SCAMP4: variants seen among roughly 807,000 people sequenced by gnomAD.
SCAMP4 encodes secretory carrier membrane protein 4.
SCAMP4 carries 19 observed loss-of-function variants against 32.1 expected under a neutral mutation model. That is an observed-to-expected ratio of 0.59 (90% CI 0.41 to 0.87). The LOEUF is 0.87. Among genes scored for constraint, SCAMP4 ranks in the 40% least tolerant of loss-of-function variants. The pLI, the probability that SCAMP4 is intolerant of heterozygous loss-of-function variation, is 0.00. For missense variants in SCAMP4, 302 were observed against 309.0 expected, an observed-to-expected ratio of 0.98 and a Z score of 0.17; for synonymous variants, 152 against 132.7, an observed-to-expected ratio of 1.15 and a Z score of -1.00.
chr19:1,909,862 C>T (rs865822171), intron 1 of SCAMP4, among the ~76,000 whole-genome samples: 15 of 152,148 alleles, frequency 9.9e-5, no homozygotes, highest in Admixed American at 9.2e-4. Context: ...GATGGGAAGT[C>T]GGGCCCACCA....
At chr19:1,911,077 G>T (rs970028652) in intron 1 of SCAMP4, among the ~76,000 whole-genome samples, 2 of 151,920 alleles carry the variant, frequency 1.3e-5, no homozygotes, top group Non-Finnish European at 2.9e-5. Context: ...GGGTTTCACC[G>T]TGTTAGCCAG....
At chr19:1,921,801 G>A (rs1277666808) in intron 5 of SCAMP4, 1 of 984,954 alleles carries the variant, frequency 1.0e-6, no homozygotes, top group Non-Finnish European at 1.2e-6. Context: ...GCAACATAGG[G>A]AGAAACCATC....
At chr19:1,905,704 G>A (rs2013074367) in intron 1 of SCAMP4, 1 of 153,234 alleles carries the variant, frequency 6.5e-6, no homozygotes, top group Non-Finnish European at 1.5e-5. Context: ...GCGCCTTTCT[G>A]CGCGTGTGCG....
At position 1,915,116 on chromosome 19, in the gene SCAMP4, G is replaced by T; in HGVS notation, c.7+90G>T. The T allele has an allele frequency of 5.3e-6, 8 of 1,520,428 alleles. No individual in the cohort carries two copies. The South Asian group carries it at 9.0e-5, about 17-fold the overall frequency. 94.2% of individuals were successfully genotyped at this position (1,520,428 alleles called of 1,614,324 possible). On this transcript the variant is annotated intron_variant, in intron 2 of 6. Coordinates refer to ENST00000316097, the MANE Select transcript of SCAMP4 (RefSeq NM_079834.4). ...CAGGAGCCCTCGGTCCTGGCCGTTG[G>T]CAAACAGTGTCCTCCTGGCCCACCT... is the stretch of plus-strand genomic sequence containing the variant.
chr19:1,918,301 G>C lies in SCAMP4; in HGVS notation c.293+18G>C. ...GCCTTCCGGTGAGCAGAGCTGCCGGGGGCCGTCTGCACCCAGAGGGAACCA... is the reference window on the plus strand; with the variant it reads ...GCCTTCCGGTGAGCAGAGCTGCCGGCGGCCGTCTGCACCCAGAGGGAACCA... On this transcript the variant is annotated intron_variant, in intron 4 of 6. Coordinates refer to ENST00000316097, the MANE Select transcript of SCAMP4 (RefSeq NM_079834.4). The C allele has an allele frequency of 6.3e-7, 1 of 1,577,846 alleles. No homozygotes were observed. The highest frequency in any genetic ancestry group is 8.6e-7 in the Non-Finnish European group (1 of 1,165,808).
At position 1,908,661 on chromosome 19, in the gene SCAMP4, ATTAT is replaced by A. The variant is rs1247205807; in HGVS notation, c.-42+3233_-42+3236del. 7 of 443,910 alleles carry A rather than the reference ATTAT, an allele frequency of 1.6e-5. No individual in the cohort carries two copies. Among genetic ancestry groups the A allele is most frequent in the East Asian group, 7.1e-5 (1 of 14,130 alleles). The allele number at this position is 443,910 out of a possible 1,614,324, so 27.5% of individuals were successfully genotyped here. On this transcript the variant is annotated intron_variant, in intron 1 of 6. Transcript: ENST00000316097. This position sits in a 1 kb window ranked among gnomAD's most constrained non-coding sequence, Gnocchi z 4.2. ...GTAGTAAGGTTTTTAGGATTTTATTATTATTTATTTATTTGAAAAAAGGAACAGG... is the reference window on the plus strand; with the variant it reads ...GTAGTAAGGTTTTTAGGATTTTATTATTATTTATTTGAAAAAAGGAACAGG...
chr19:1,921,460 G>A (rs922945723), intron 5 of SCAMP4: 2 of 985,310 alleles, frequency 2.0e-6, no homozygotes, highest in Non-Finnish European at 2.4e-6. Flanking sequence ...GGGGCCCCCG[G>A]TGGGCCCCGC....
chr19:1,906,786 G>A (rs2013137648), intron 1 of SCAMP4: 1 of 152,010 alleles, frequency 6.6e-6, no homozygotes, highest in Non-Finnish European at 1.5e-5. Flanking sequence ...AGGAGGCAGA[G>A]CTTGCAGTGA....
At position 1,918,834 on chromosome 19, in the gene SCAMP4, G is replaced by A. The variant is rs562126341; in HGVS notation, c.294-55G>A. 1.2e-4 allele frequency: 187 copies of A among 1,560,312 alleles called. No homozygotes were observed. The Admixed American group carries it at 1.3e-3, about 11-fold the overall frequency. ...CTGACTGGCCCGTTCCTCTCTAGGC[G>A]CGTCTGGGAGAAGCCAGGGCTGTGG... On this transcript the variant is annotated intron_variant, in intron 4 of 6. Coordinates refer to ENST00000316097, the MANE Select transcript of SCAMP4 (RefSeq NM_079834.4).
At chr19:1,917,586 A>G (rs1011540507) in intron 2 of SCAMP4, 108 bp from the exon 3 acceptor site, 2 of 1,246,402 alleles carry the variant, frequency 1.6e-6, no homozygotes, top group African/African-American at 1.5e-5. Context: ...CCAACTGCAG[A>G]GTCCCTTCTG....
intron 1 of SCAMP4, chr19:1,913,529 C>T (rs984895482): frequency 8.1e-6 from 2 of 246,950 alleles, no homozygotes; most frequent in Non-Finnish European, 1.6e-5. Flanking sequence ...GGTGGCTCAG[C>T]CGGAGGGGAC....
At chr19:1,912,047 G>A (rs1474669031) in intron 1 of SCAMP4, 9 of 1,419,352 alleles carry the variant, frequency 6.3e-6, no homozygotes, top group Non-Finnish European at 8.2e-6. Flanking sequence ...GCAGCCGCCG[G>A]ATGATCCTCT....
chr19:1,923,324 C>T (rs2013980463), intron 6 of SCAMP4, 137 bp downstream of exon 6: 1 of 725,162 alleles, frequency 1.4e-6, no homozygotes, highest in Non-Finnish European at 2.2e-6. Context: ...TCATCCCCAG[C>T]AGTGAGCTGG....
At chr19:1,911,931 C>A in intron 1 of SCAMP4, 1 of 1,316,774 alleles carries the variant, frequency 7.6e-7, no homozygotes, top group Non-Finnish European at 9.9e-7. Flanking sequence ...GATGCGGTGA[C>A]CTGGGCCGGA....
chr19:1,924,112 A>G lies in SCAMP4; in HGVS notation c.518A>G (p.His173Arg), dbSNP rs771117651. 5.0e-6 allele frequency: 8 copies of G among 1,606,690 alleles called. No individual in the cohort carries two copies. Among genetic ancestry groups the G allele is most frequent in the South Asian group, 1.1e-5 (1 of 89,950 alleles). ...AMMAIAIMKV[H>R]RIYRGAGGSF... Reference sequence around the variant, plus strand: ...CCCTGTCCTCTGTCCTTGCAGGTGCACAGGATCTACCGAGGGGCTGGCGGA... The same window carrying G: ...CCCTGTCCTCTGTCCTTGCAGGTGCGCAGGATCTACCGAGGGGCTGGCGGA... The change falls in exon 7 of 7, where the codon CAC (histidine) becomes CGC (arginine). Residue 173 changes from histidine to arginine, a missense_variant. By Grantham distance (29) the His-to-Arg change is conservative. Coordinates refer to ENST00000316097, the MANE Select transcript of SCAMP4 (RefSeq NM_079834.4).
intron 1 of SCAMP4, chr19:1,913,582 G>A (rs1297494846): frequency 1.1e-5 from 2 of 188,226 alleles, no homozygotes; most frequent in East Asian, 1.6e-4. Context: ...TGATTCTGGG[G>A]TAGAGCAAGG....
intron 1 of SCAMP4, chr19:1,911,986 G>C: frequency 7.1e-7 from 1 of 1,411,480 alleles, no homozygotes. Context: ...GCCCTGCCTT[G>C]TGGAGCCACG....
At chr19:1,920,560 G>T (rs546900819) in intron 5 of SCAMP4, 3 of 974,466 alleles carry the variant, frequency 3.1e-6, no homozygotes, top group Admixed American at 1.2e-4. Flanking sequence ...GAGTGACGTT[G>T]CCCCAGGGAT....
At chr19:1,916,237 CAAAA>C (rs529074523) in intron 2 of SCAMP4, among the ~76,000 whole-genome samples, 25 of 115,954 alleles carry the variant, frequency 2.2e-4, no homozygotes, top group Non-Finnish European at 3.9e-4. Context: ...GACTGGATCT[CAAAA>C]AAAAAAAAAA....
Sources: gnomAD v4.1 joint callset for allele counts (sites outside exome capture counted in the v4.1 genomes callset) on GRCh38, gnomAD v4.1.1 for gene constraint, Gnocchi (gnomAD v3.1) non-coding constraint, MANE v1.5 for transcripts, NCBI Gene and HGNC (gene_info 2026-07-23, HGNC 2026-07-21) for gene names.